The following SBK1 variants were observed in gnomAD, a reference collection of about 807,000 sequenced individuals.
SBK1 encodes the protein SH3 domain binding kinase 1.
In SBK1, 11 loss-of-function variants were observed where a neutral mutation model predicts 24.4. The ratio of observed to expected loss-of-function variants is 0.45; its 90% CI spans 0.28 to 0.75. SBK1 has a LOEUF of 0.75. Among genes scored for constraint, SBK1 ranks in the 30% least tolerant of loss-of-function variants. SBK1 has a pLI of 0.12. For missense variants in SBK1, 467 were observed against 620.5 expected (o/e 0.75, Z 2.63); for synonymous variants, 308 against 284.4 (o/e 1.08, Z -0.83).
At chr16:28,270,730 T>C (rs1241384987) in intron 1 of SBK1, among the ~76,000 whole-genome samples, 1 of 151,150 alleles carries the variant, frequency 6.6e-6, no homozygotes, top group Non-Finnish European at 1.5e-5. Context: ...GCCCTCAGCA[T>C]AGAATTCAAT....
chr16:28,297,751 C>T (rs537441296), intron 1 of SBK1, among the ~76,000 whole-genome samples: 15 of 152,274 alleles, frequency 9.9e-5, no homozygotes, highest in East Asian at 9.7e-4. Flanking sequence ...TTAAATGGGG[C>T]GTCGGCAGGT....
chr16:28,265,772 G>A (rs1055279154), intron 1 of SBK1, among the ~76,000 whole-genome samples: 7 of 151,558 alleles, frequency 4.6e-5, no homozygotes, highest in South Asian at 2.1e-4. Flanking sequence ...TCAGGAGTTC[G>A]AGACCAGCCT....
intron 1 of SBK1, among the ~76,000 whole-genome samples, chr16:28,309,392 C>T (rs891959460): frequency 7.2e-5 from 11 of 152,188 alleles, no homozygotes; most frequent in African/African-American, 2.7e-4. Flanking sequence ...AGAGGACACA[C>T]GCGTTGCTGA....
chr16:28,284,890 C>T (rs773109119), intron 1 of SBK1: 3 of 152,234 alleles, frequency 2.0e-5, no homozygotes, highest in Admixed American at 6.5e-5. Context: ...AAACTGTAAA[C>T]TGTGCACACA....
intron 1 of SBK1, among the ~76,000 whole-genome samples, chr16:28,265,448 G>A (rs1185305067): frequency 6.6e-6 from 1 of 151,732 alleles, no homozygotes; most frequent in Non-Finnish European, 1.5e-5. Context: ...AGCCGGGCAT[G>A]GTGGCATGCA....
chr16:28,316,887 AAAT>A (rs1347492083), intron 1 of SBK1, among the ~76,000 whole-genome samples: 1 of 151,994 alleles, frequency 6.6e-6, no homozygotes, highest in Non-Finnish European at 1.5e-5. Flanking sequence ...TCAGAAATAA[AAAT>A]AACAACAAGC....
At chr16:28,260,171 C>T (rs909821828) in intron 1 of SBK1, among the ~76,000 whole-genome samples, 13 of 151,646 alleles carry the variant, frequency 8.6e-5, no homozygotes, top group Non-Finnish European at 1.9e-4. Flanking sequence ...TGGGGGTGAC[C>T]GTGTGTGACT....
chr16:28,320,735 C>G lies in SBK1; in HGVS notation c.1089C>G (p.Ser363=). 8.5e-7 allele frequency: 1 copy of G among 1,181,942 alleles called. No individual in the cohort carries two copies. Among genetic ancestry groups the G allele is most frequent in the Middle Eastern group, 3.5e-4 (1 of 2,836 alleles). 73.2% of individuals were successfully genotyped at this position (1,181,942 alleles called of 1,614,324 possible). Residue 363 remains serine (S), a synonymous_variant, in exon 4 of 4, where the codon TCC becomes TCG. Transcript: ENST00000341901. This position sits in a 1 kb window ranked among gnomAD's most constrained non-coding sequence, Gnocchi z 8.5. ...RTVLTESGSG[S]RPAPPAVGSV... The stretch of plus-strand genomic sequence containing the variant: ...TGCTGACCGAGAGCGGCAGCGGCTC[C>G]CGGCCCGCGCCCCCCGCCGTCGGGT...
chr16:28,305,358 G>C (rs1430889602), intron 1 of SBK1, among the ~76,000 whole-genome samples: 1 of 151,914 alleles, frequency 6.6e-6, no homozygotes, highest in Non-Finnish European at 1.5e-5. Flanking sequence ...GATTACAGGT[G>C]TGTGCTACCA....
At chr16:28,301,278 A>G (rs1325077772) in intron 1 of SBK1, among the ~76,000 whole-genome samples, 1 of 152,244 alleles carries the variant, frequency 6.6e-6, no homozygotes, top group African/African-American at 2.4e-5. Flanking sequence ...TGCCTTTCAC[A>G]GTGCCTCACT....
At chr16:28,295,610 C>T (rs1256007787) in intron 1 of SBK1, among the ~76,000 whole-genome samples, 1 of 152,032 alleles carries the variant, frequency 6.6e-6, no homozygotes, top group Non-Finnish European at 1.5e-5. Flanking sequence ...CAGAGCCCAG[C>T]GTATGGTAGG....
intron 1 of SBK1, among the ~76,000 whole-genome samples, chr16:28,307,307 C>T (rs2044723946): frequency 1.3e-5 from 2 of 152,222 alleles, no homozygotes; most frequent in Admixed American, 6.5e-5. Flanking sequence ...GAAACTGAGG[C>T]ACAGAGTGGT....
chr16:28,262,912 C>T (rs964071177), intron 1 of SBK1, among the ~76,000 whole-genome samples: 35 of 152,178 alleles, frequency 2.3e-4, no homozygotes, highest in African/African-American at 7.0e-4. Flanking sequence ...CTCTGCTCCA[C>T]GTGATCTTTC....
At chr16:28,275,833 C>T (rs777260853) in intron 1 of SBK1, among the ~76,000 whole-genome samples, 4 of 151,952 alleles carry the variant, frequency 2.6e-5, no homozygotes, top group Non-Finnish European at 5.9e-5. Flanking sequence ...GCTATCACTG[C>T]ACCACTGCAC....
chr16:28,260,503 G>A (rs1363055284), intron 1 of SBK1, among the ~76,000 whole-genome samples: 5 of 152,252 alleles, frequency 3.3e-5, no homozygotes, highest in African/African-American at 9.6e-5. Flanking sequence ...GGCCAAGCCA[G>A]TTTCCCCCTC....
chr16:28,300,079 C>T (rs999477283), intron 1 of SBK1, among the ~76,000 whole-genome samples: 16 of 152,252 alleles, frequency 1.1e-4, no homozygotes, highest in African/African-American at 2.7e-4. Context: ...GCCTGACACA[C>T]ATCTCCTGCT....
chr16:28,258,846 C>T (rs2044378123), upstream of SBK1: 1 of 152,918 alleles, frequency 6.5e-6, no homozygotes. Context: ...TCCCAACCCT[C>T]TCTCCTGGAG....
chr16:28,292,576 G>A lies in SBK1; in HGVS notation c.-732G>A. On this transcript the variant is annotated 5_prime_UTR_variant, in exon 1 of 4. Transcript: ENST00000341901. ...CGGGCGCCGGGGCCGGGGCCCGAGC[G>A]CCAGGCGGAGCGCGAGCTGGAGCCG... 3 of 979,758 alleles carry A rather than the reference G, an allele frequency of 3.1e-6. No individual in the cohort carries two copies. Among genetic ancestry groups the A allele is most frequent in the Non-Finnish European group, 3.6e-6 (3 of 827,346 alleles). The allele number at this position is 979,758 out of a possible 1,614,324, so 60.7% of individuals were successfully genotyped here.
At chr16:28,289,628 G>A (rs1372383172), upstream of SBK1, among the ~76,000 whole-genome samples, 4 of 151,780 alleles carry the variant, frequency 2.6e-5, no homozygotes, top group South Asian at 4.2e-4. Context: ...TTAGCCAGGC[G>A]TGGTGGTACA....
Sources: gnomAD v4.1 joint callset for allele counts (sites outside exome capture counted in the v4.1 genomes callset) on GRCh38, gnomAD v4.1.1 for gene constraint, Gnocchi (gnomAD v3.1) non-coding constraint, MANE v1.5 for transcripts, NCBI Gene and HGNC (gene_info 2026-07-23, HGNC 2026-07-21) for gene names.